Variants in ENPP2 observed in about 807,000 individuals in gnomAD.
ENPP2 encodes ectonucleotide pyrophosphatase/phosphodiesterase 2.
ENPP2 carries 51 observed loss-of-function variants against 120.2 expected under a neutral mutation model. The observed-to-expected ratio is 0.42, with a 90% CI of 0.34 to 0.54. The LOEUF (loss-of-function observed/expected upper bound fraction) is 0.54, where lower values mean the gene tolerates loss of function less well. ENPP2 is among the 20% of genes least tolerant of loss of function. The probability of loss-of-function intolerance (pLI) is 0.04; values close to 1 mark genes in which losing one functional copy is unlikely to be tolerated. For missense variants in ENPP2, 920 were observed against 1,066.5 expected (o/e 0.86, Z 1.91); for synonymous variants, 365 against 366.4 (o/e 1.00, Z 0.04).
intron 1 of ENPP2, among the ~76,000 whole-genome samples, chr8:119,669,697 A>G (rs1818183902): frequency 1.3e-5 from 2 of 152,230 alleles, no homozygotes; most frequent in South Asian, 2.1e-4. Flanking sequence ...TCATGAACCC[A>G]CTGAAAGTTC....
intron 22 of ENPP2, 27 bp downstream of exon 22, chr8:119,568,148 A>T: frequency 8.9e-7 from 1 of 1,128,538 alleles, no homozygotes; most frequent in Non-Finnish European, 1.3e-6. Flanking sequence ...CATAAATAAC[A>T]GTGTATTAGG....
At chr8:119,645,304 C>G (rs939083338) in intron 1 of ENPP2, among the ~76,000 whole-genome samples, 1 of 152,164 alleles carries the variant, frequency 6.6e-6, no homozygotes, top group Non-Finnish European at 1.5e-5. Flanking sequence ...ACAAGTTCAC[C>G]CTCCCAATTT....
At chr8:119,621,836 G>T (rs1280244261) in intron 3 of ENPP2, among the ~76,000 whole-genome samples, 1 of 152,190 alleles carries the variant, frequency 6.6e-6, no homozygotes, top group Non-Finnish European at 1.5e-5. Flanking sequence ...GACATCAAAG[G>T]TTTATGATAG....
intron 22 of ENPP2, among the ~76,000 whole-genome samples, chr8:119,565,833 G>C (rs1444040647): frequency 7.9e-5 from 12 of 152,036 alleles, no homozygotes. Flanking sequence ...GCCAGACGGA[G>C]CCTTTTACAC....
chr8:119,639,505 C>A, upstream of ENPP2, among the ~76,000 whole-genome samples: 1 of 152,088 alleles, frequency 6.6e-6, no homozygotes, highest in East Asian at 1.9e-4. Flanking sequence ...ACTGGAAATG[C>A]CAGCCACGCA....
rs117439967 is a variant in ENPP2 at position 119,657,617 on chromosome 8, T to C, written c.21+15635A>G. The stretch of plus-strand genomic sequence containing the variant: ...GCTAAAGGACTTTCAAAGTTCACGA[T>C]GCAATAGCAACATGCTAGCATCAGC... On this transcript the variant is annotated intron_variant, in intron 1 of 25. Transcript: ENST00000427067. Among the ~76,000 whole-genome samples the C allele has an allele frequency of 5.0e-4, 76 of 152,348 alleles. 1 individual carries two copies. The East Asian group carries it at 0.011, about 22-fold the overall frequency.
chr8:119,662,684 G>A lies in ENPP2; in HGVS notation c.21+10568C>T, dbSNP rs547926928. ...CAAGTGTGAAACAAAACTTTGACAC[G>A]TGCTGGAGAAAACAACAAAAACAGG... On this transcript the variant is annotated intron_variant, in intron 1 of 25. Transcript: ENST00000427067. Among the ~76,000 whole-genome samples, 12 of 152,252 alleles carry A rather than the reference G, an allele frequency of 7.9e-5. No individual in the cohort carries two copies. The South Asian group carries it at 1.2e-3, about 16-fold the overall frequency.
At position 119,673,290 on chromosome 8, in the gene ENPP2, G is replaced by T. The variant is rs1818309115; in HGVS notation, c.-18C>A. The stretch of plus-strand genomic sequence containing the variant: ...CGGGTCATGCTGCGGGAGTCTCGGC[G>T]TCTGTTCCTGCCCGGGCGCTGCGGA... On this transcript the variant is annotated 5_prime_UTR_variant, in exon 1 of 26. Coordinates refer to the ENPP2 transcript ENST00000427067. The T allele has an allele frequency of 3.3e-6, 5 of 1,535,272 alleles. No individual in the cohort carries two copies. In the East Asian group the frequency reaches 1.2e-4, roughly 38 times the overall value.
chr8:119,632,156 A>T (rs929169947), intron 2 of ENPP2, among the ~76,000 whole-genome samples: 3 of 152,192 alleles, frequency 2.0e-5, no homozygotes, highest in African/African-American at 7.2e-5. Context: ...CCTTTACTTG[A>T]CCTAAATCAA....
At chr8:119,658,645 C>T (rs1817833647) in intron 1 of ENPP2, among the ~76,000 whole-genome samples, 1 of 152,140 alleles carries the variant, frequency 6.6e-6, no homozygotes, top group South Asian at 2.1e-4. Flanking sequence ...TCCCTGACCA[C>T]CTTATCCCCT....
chr8:119,605,758 T>A (rs1169131229), intron 9 of ENPP2, among the ~76,000 whole-genome samples: 3 of 151,908 alleles, frequency 2.0e-5, no homozygotes, highest in African/African-American at 7.2e-5. Flanking sequence ...TGAGCCACCA[T>A]ACCCAGCCGA....
intron 9 of ENPP2, among the ~76,000 whole-genome samples, chr8:119,605,263 GGTTTTGCCAT>G (rs920074593): frequency 6.6e-6 from 1 of 151,840 alleles, no homozygotes; most frequent in African/African-American, 2.4e-5. Context: ...GGAGAGATGG[GGTTTTGCCAT>G]GTTGCCCAGC....
In ENPP2 at chr8:119,564,975, C is replaced by CA; in HGVS notation, c.2132-21dup. The CA allele has an allele frequency of 6.2e-7, 1 of 1,604,056 alleles. No homozygotes were observed. The highest frequency in any genetic ancestry group is 8.5e-7 in the Non-Finnish European group (1 of 1,175,194). On this transcript the variant is annotated intron_variant, in intron 22 of 24. Transcript: ENST00000075322. ...AGACCCCTGTGCAAAGACAAAAATC[C>CA]AAAAATCAATTATTCATGAAGAAAA...
chr8:119,654,174 T>A (rs1434068501), intron 1 of ENPP2, among the ~76,000 whole-genome samples: 1 of 141,736 alleles, frequency 7.1e-6, no homozygotes, highest in Non-Finnish European at 1.5e-5. Context: ...ATATTAGGTA[T>A]TCTATATATA....
At chr8:119,608,576 G>A (rs1284780806) in intron 8 of ENPP2, among the ~76,000 whole-genome samples, 5 of 152,188 alleles carry the variant, frequency 3.3e-5, no homozygotes, top group Non-Finnish European at 5.9e-5. Flanking sequence ...ATTTCATCAA[G>A]GTTTTTAAAA....
chr8:119,617,720 G>T (rs954372798), intron 5 of ENPP2, among the ~76,000 whole-genome samples, 157 bp from the exon 6 acceptor site: 2 of 152,088 alleles, frequency 1.3e-5, no homozygotes, highest in African/African-American at 2.4e-5. Flanking sequence ...AGTCCGAGGC[G>T]GGCTGATCAC....
upstream of ENPP2, among the ~76,000 whole-genome samples, chr8:119,642,788 T>G (rs1339203029): frequency 6.6e-6 from 1 of 152,218 alleles, no homozygotes; most frequent in East Asian, 1.9e-4. Flanking sequence ...TGCATTTATA[T>G]AAATGCACAG....
intron 9 of ENPP2, among the ~76,000 whole-genome samples, chr8:119,605,491 A>G (rs1472226820): frequency 9.6e-5 from 12 of 125,626 alleles, no homozygotes; most frequent in African/African-American, 3.9e-4. Flanking sequence ...ACAGAGTTTC[A>G]CTCTTGTTGC....
chr8:119,656,837 A>G (rs1817777045), intron 1 of ENPP2, among the ~76,000 whole-genome samples: 1 of 152,240 alleles, frequency 6.6e-6, no homozygotes, highest in Non-Finnish European at 1.5e-5. Flanking sequence ...ACAGTAATCA[A>G]TATCACAGCA....
Sources: allele counts gnomAD v4.1 joint callset (sites outside exome capture counted in the v4.1 genomes callset), GRCh38; gene constraint gnomAD v4.1.1; transcripts MANE v1.5; gene names NCBI Gene and HGNC (gene_info 2026-07-23, HGNC 2026-07-21).